MLYCD: variants seen among roughly 807,000 people sequenced by gnomAD.
MLYCD encodes malonyl-CoA decarboxylase, mitochondrial.
In MLYCD, 27 loss-of-function variants were observed where a neutral mutation model predicts 35.8. That is an observed-to-expected ratio of 0.75 (90% CI 0.56 to 1.04). MLYCD has a LOEUF of 1.04. Among genes scored for constraint, MLYCD ranks in the 50% least tolerant of loss-of-function variants. The probability of loss-of-function intolerance (pLI) is 0.00; values close to 1 mark genes in which losing one functional copy is unlikely to be tolerated. For synonymous variants in MLYCD, 403 were observed against 302.4 expected, an observed-to-expected ratio of 1.33 and a Z score of -3.45; for missense variants, 917 against 665.1, an observed-to-expected ratio of 1.38 and a Z score of -4.17.
chr16:83,900,357 G>C (rs1014313327), intron 1 of MLYCD, among the ~76,000 whole-genome samples: 7 of 152,258 alleles, frequency 4.6e-5, no homozygotes, highest in African/African-American at 1.7e-4. Flanking sequence ...ATTATGACCC[G>C]AAAGAAGGCC....
rs773730511 is a variant in MLYCD at position 83,899,301 on chromosome 16, G to A, written c.157G>A (p.Ala53Thr). The change falls in exon 1 of 5, where the codon GCC becomes ACC. Residue 53 changes from alanine (A) to threonine (T), a missense_variant. Transcript: ENST00000262430. ...GCGCCGCGCGGTGCCGCCGACGCCG[G>A]CCTACGAGCTGCGCGAGAAGACACC... ...LLRRAVPPTP[A>T]YELREKTPAP... The A allele has an allele frequency of 4.7e-6, 7 of 1,487,526 alleles. 1 individual carries two copies. The South Asian group carries it at 8.8e-5, about 19-fold the overall frequency. 92.1% of individuals were successfully genotyped at this position (1,487,526 alleles called of 1,614,324 possible).
In MLYCD at chr16:83,921,519, T is replaced by A. The variant is rs142227829; in HGVS notation, c.*6030T>A. ...GGAAGATGGATGGATGGGGGACAGA[T>A]GAATTGATGGCGGAGGATGTTAGGA... On this transcript the variant is annotated 3_prime_UTR_variant, in exon 5 of 5. Coordinates refer to ENST00000262430, the MANE Select transcript of MLYCD (RefSeq NM_012213.3). 6.6e-6 allele frequency: 1 copy of A among 151,824 alleles called. No homozygotes were observed. The highest frequency in any genetic ancestry group is 2.4e-5 in the African/African-American group (1 of 41,302). The allele number at this position is 151,824 out of a possible 1,614,324, so 9.4% of individuals were successfully genotyped here.
chr16:83,902,191 G>A (rs1452697155), intron 1 of MLYCD, among the ~76,000 whole-genome samples: 5 of 115,386 alleles, frequency 4.3e-5, no homozygotes, highest in Non-Finnish European at 7.2e-5. Flanking sequence ...ATATATATAT[G>A]GTTTTTTGTT....
intron 1 of MLYCD, among the ~76,000 whole-genome samples, chr16:83,902,135 G>A (rs1347373298): frequency 2.2e-5 from 3 of 133,390 alleles, no homozygotes; most frequent in African/African-American, 8.8e-5. Context: ...GTGTATATGT[G>A]TGTGTGTGTG....
chr16:83,909,069 C>A (rs1027669643), intron 3 of MLYCD, among the ~76,000 whole-genome samples: 1 of 152,084 alleles, frequency 6.6e-6, no homozygotes, highest in East Asian at 1.9e-4. Flanking sequence ...CATTCCTGAT[C>A]ACCAAGGAGA....
At position 83,916,636 on chromosome 16, in the gene MLYCD, CTGTG is replaced by C. The variant is rs1164776785; in HGVS notation, c.*1150_*1153del. On this transcript the variant is annotated 3_prime_UTR_variant, in exon 5 of 5. Coordinates refer to ENST00000262430, the MANE Select transcript of MLYCD (RefSeq NM_012213.3). ...CGTCTCTGTGTGGATCAGTGCACGTCTGTGTGCGTGTGCACGAGCATCTCTGTGT... is the reference window on the plus strand; with the variant it reads ...CGTCTCTGTGTGGATCAGTGCACGTCTGCGTGTGCACGAGCATCTCTGTGT... The C allele has an allele frequency of 1.6e-5, 2 of 127,408 alleles. No individual in the cohort carries two copies. Among genetic ancestry groups the C allele is most frequent in the Non-Finnish European group, 3.2e-5 (2 of 62,870 alleles). 7.9% of individuals were successfully genotyped at this position (127,408 alleles called of 1,614,324 possible).
intron 1 of MLYCD, among the ~76,000 whole-genome samples, chr16:83,902,225 G>C (rs115700973): frequency 0.011 from 1,613 of 144,078 alleles, 35 homozygotes; most frequent in African/African-American, 0.036. Flanking sequence ...TTTTTTGTTT[G>C]TGTTTATTTT....
intron 4 of MLYCD, chr16:83,914,460 C>T (rs968152168): frequency 1.3e-4 from 30 of 226,990 alleles, no homozygotes; most frequent in Non-Finnish European, 2.4e-4. Flanking sequence ...AGCTGCAGTG[C>T]ACCGAGCCCC....
chr16:83,912,188 A>C (rs1907202918), intron 3 of MLYCD, 30 bp from the exon 4 acceptor site: 2 of 1,613,968 alleles, frequency 1.2e-6, no homozygotes, highest in Admixed American at 1.7e-5. Context: ...CGGCCAGGCC[A>C]CCCTTAGAAC....
At chr16:83,911,886 C>G (rs1448163846) in intron 3 of MLYCD, 1 of 355,676 alleles carries the variant, frequency 2.8e-6, no homozygotes, top group Non-Finnish European at 5.4e-6. Context: ...TGAGTGTTGG[C>G]CGGAGAGTTT....
Position 83,922,514 on chromosome 16 carries a change from G to C in MLYCD, c.*7025G>C, listed in dbSNP as rs758897519. On this transcript the variant is annotated 3_prime_UTR_variant, in exon 5 of 5. Coordinates refer to ENST00000262430, the MANE Select transcript of MLYCD (RefSeq NM_012213.3). ...GGAGGGAGCTGTAGACTTTGGCTCC[G>C]GCCAGTGCCCAGTTCAAATGCTGGC... 1.3e-5 allele frequency: 2 copies of C among 152,250 alleles called. No individual in the cohort carries two copies. The highest frequency in any genetic ancestry group is 4.8e-5 in the African/African-American group (2 of 41,446). The allele number at this position is 152,250 out of a possible 1,614,324, so 9.4% of individuals were successfully genotyped here.
In MLYCD at chr16:83,899,168, G is replaced by A; in HGVS notation, c.24G>A (p.Leu8=). Residue 8 remains leucine (L), a synonymous_variant, in exon 1 of 5, where the codon TTG becomes TTA. Transcript: ENST00000262430. ...CCATGCGAGGCTTCGGGCCAGGCTTGACGGCCAGGCGTCTCCTCCCGCTGC... is the reference window on the plus strand; with the variant it reads ...CCATGCGAGGCTTCGGGCCAGGCTTAACGGCCAGGCGTCTCCTCCCGCTGC... The part of the protein sequence containing the change: MRGFGPG[L]TARRLLPLRL... 1.3e-5 allele frequency: 15 copies of A among 1,163,330 alleles called. No homozygotes were observed. Among genetic ancestry groups the A allele is most frequent in the Non-Finnish European group, 1.6e-5 (15 of 947,244 alleles). The allele number at this position is 1,163,330 out of a possible 1,614,324, so 72.1% of individuals were successfully genotyped here.
intron 3 of MLYCD, among the ~76,000 whole-genome samples, chr16:83,909,324 C>T (rs1334119767): frequency 6.6e-6 from 1 of 152,154 alleles, no homozygotes; most frequent in East Asian, 1.9e-4. Context: ...GGGATGATAA[C>T]CTAGGGCCCA....
chr16:83,908,375 C>CA, intron 3 of MLYCD, 93 bp downstream of exon 3: 15 of 1,174,664 alleles, frequency 1.3e-5, no homozygotes, highest in Non-Finnish European at 1.7e-5. Flanking sequence ...TTTTATCCTC[C>CA]TTTTTTTTTT....
chr16:83,907,584 C>T (rs1907025866), intron 2 of MLYCD, among the ~76,000 whole-genome samples: 1 of 152,178 alleles, frequency 6.6e-6, no homozygotes, highest in Non-Finnish European at 1.5e-5. Context: ...CCTTCACTAC[C>T]TTTGCACGTA....
intron 4 of MLYCD, chr16:83,912,633 C>CT (rs1687898664): frequency 2.0e-6 from 1 of 493,592 alleles, no homozygotes; most frequent in Non-Finnish European, 3.7e-6. Context: ...GTCATCAACT[C>CT]TCTCTAGGGT....
chr16:83,906,670 A>T (rs915249155), intron 1 of MLYCD, among the ~76,000 whole-genome samples: 1 of 152,220 alleles, frequency 6.6e-6, no homozygotes, highest in African/African-American at 2.4e-5. Flanking sequence ...TATGATTAGT[A>T]TGCTCACTAT....
At position 83,920,174 on chromosome 16, in the gene MLYCD, G is replaced by C. The variant is rs532267161; in HGVS notation, c.*4685G>C. The C allele has an allele frequency of 6.6e-6, 1 of 152,294 alleles. No homozygotes were observed. Among genetic ancestry groups the C allele is most frequent in the Non-Finnish European group, 1.5e-5 (1 of 68,026 alleles). 9.4% of individuals were successfully genotyped at this position (152,294 alleles called of 1,614,324 possible). On this transcript the variant is annotated 3_prime_UTR_variant, in exon 5 of 5. Transcript: ENST00000262430. Reference sequence around the variant, plus strand: ...GCACAGAACACACACCCTGTGCACAGTTTTGTTTTGTTTTGCTTTTGCAAT... The same window carrying C: ...GCACAGAACACACACCCTGTGCACACTTTTGTTTTGTTTTGCTTTTGCAAT...
Position 83,908,185 on chromosome 16 carries a change from A to G in MLYCD, c.701A>G (p.Tyr234Cys), listed in dbSNP as rs773976869. 3.7e-6 allele frequency: 6 copies of G among 1,614,246 alleles called. No homozygotes were observed. Among genetic ancestry groups the G allele is most frequent in the South Asian group, 2.2e-5 (2 of 91,090 alleles). ...GACATGAAGCGCCGCGTTGGGCCCT[A>G]CAGAAGGTGTTACTTCTTTTCTCAC... ...WMDMKRRVGP[Y>C]RRCYFFSHCS... The change falls in exon 3 of 5, where the codon TAC becomes TGC. Residue 234 changes from tyrosine to cysteine, a missense_variant. Tyr to Cys is a radical substitution (Grantham distance 194, BLOSUM62 -2). Transcript: ENST00000262430.
Sources: gnomAD v4.1 joint callset for allele counts (sites outside exome capture counted in the v4.1 genomes callset) on GRCh38, gnomAD v4.1.1 for gene constraint, MANE v1.5 for transcripts, NCBI Gene and HGNC (gene_info 2026-07-23, HGNC 2026-07-21) for gene names.